The following SYT17 variants were observed in gnomAD, a reference collection of about 807,000 sequenced individuals.
SYT17 encodes synaptotagmin 17.
Under a neutral mutation model 46.7 loss-of-function variants are expected in SYT17, and 22 were observed. That is an observed-to-expected ratio of 0.47 (90% CI 0.34 to 0.67). The LOEUF is 0.67. SYT17 is among the 30% of genes least tolerant of loss of function. The pLI is 0.01. For synonymous variants in SYT17, 251 were observed against 248.4 expected, an observed-to-expected ratio of 1.01 and a Z score of -0.10; for missense variants, 519 against 612.8, an observed-to-expected ratio of 0.85 and a Z score of 1.62.
chr16:19,221,615 A>G (rs1053008129), intron 5 of SYT17, among the ~76,000 whole-genome samples: 1 of 152,118 alleles, frequency 6.6e-6, no homozygotes, highest in African/African-American at 2.4e-5. Flanking sequence ...TTGACTGTTC[A>G]CCCTGTCAGT....
At chr16:19,249,657 G>A (rs949916913) in intron 7 of SYT17, among the ~76,000 whole-genome samples, 1 of 152,216 alleles carries the variant, frequency 6.6e-6, no homozygotes, top group African/African-American at 2.4e-5. Context: ...TCATGTGGAA[G>A]GTGGAAGGCA....
At chr16:19,253,716 CTCTT>C (rs1968357942) in intron 7 of SYT17, among the ~76,000 whole-genome samples, 1 of 152,170 alleles carries the variant, frequency 6.6e-6, no homozygotes, top group South Asian at 2.1e-4. Flanking sequence ...CCTCTGGACT[CTCTT>C]TCAATTCTCT....
At chr16:19,209,408 G>A (rs1005573059) in intron 5 of SYT17, among the ~76,000 whole-genome samples, 5 of 152,078 alleles carry the variant, frequency 3.3e-5, no homozygotes, top group African/African-American at 1.2e-4. Context: ...ACACAACAAG[G>A]TGCTCACCTC....
intron 7 of SYT17, among the ~76,000 whole-genome samples, chr16:19,242,676 C>T (rs1191646754): frequency 2.0e-5 from 3 of 152,050 alleles, no homozygotes; most frequent in Admixed American, 2.0e-4. Context: ...TAGGTGTGTG[C>T]CACCATGCCT....
intron 5 of SYT17, among the ~76,000 whole-genome samples, chr16:19,219,667 T>G (rs1248289687): frequency 1.3e-5 from 2 of 152,182 alleles, no homozygotes; most frequent in Non-Finnish European, 2.9e-5. Flanking sequence ...GTTCTTCCTT[T>G]CTCTCACTCT....
At position 19,173,551 on chromosome 16, in the gene SYT17, C is replaced by T. The variant is rs377540756; in HGVS notation, c.155C>T (p.Pro52Leu). 6.2e-7 allele frequency: 1 copy of T among 1,614,054 alleles called. No individual in the cohort carries two copies. Among genetic ancestry groups the T allele is most frequent in the Admixed American group, 1.7e-5 (1 of 60,000 alleles). The change falls in exon 3 of 8, where the codon CCT (proline) becomes CTT (leucine). Residue 52 changes from proline (P) to leucine (L), a missense_variant. Coordinates refer to ENST00000355377, the MANE Select transcript of SYT17 (RefSeq NM_016524.4). ...GAGGATGAAGTTGAAATTCTGGGAC[C>T]TTTCCCTGCTCAGACCCCTCCCTGG... ...SSEDEVEILG[P>L]FPAQTPPWLM... is the part of the protein sequence containing the mutation.
At chr16:19,193,822 G>T (rs1221118350) in intron 5 of SYT17, among the ~76,000 whole-genome samples, 1 of 152,180 alleles carries the variant, frequency 6.6e-6, no homozygotes, top group African/African-American at 2.4e-5. Context: ...ATGTGGCATG[G>T]GTTGCAGGAT....
At chr16:19,182,570 A>G (rs955414639) in intron 4 of SYT17, among the ~76,000 whole-genome samples, 4 of 152,184 alleles carry the variant, frequency 2.6e-5, no homozygotes, top group Non-Finnish European at 2.9e-5. Context: ...TCTAAGTCTC[A>G]TGCCCAGCTC....
chr16:19,257,148 G>A (rs1968629518), intron 7 of SYT17, among the ~76,000 whole-genome samples: 1 of 152,130 alleles, frequency 6.6e-6, no homozygotes, highest in South Asian at 2.1e-4. Flanking sequence ...TTATAATAAA[G>A]TTAACTGAAT....
At chr16:19,249,874 C>T (rs1476092595) in intron 7 of SYT17, 7 of 1,493,164 alleles carry the variant, frequency 4.7e-6, no homozygotes, top group Non-Finnish European at 6.2e-6. Context: ...ATACTTTCAT[C>T]CAGGTCGTCT....
intron 5 of SYT17, among the ~76,000 whole-genome samples, chr16:19,221,894 G>A (rs1966331667): frequency 6.6e-6 from 1 of 152,134 alleles, no homozygotes; most frequent in African/African-American, 2.4e-5. Context: ...ATAATATAAT[G>A]ACTGGGAGTT....
rs146308969 is a variant in SYT17 at position 19,184,027 on chromosome 16, C to T, written c.831C>T (p.Thr277=). 722 of 1,613,960 alleles carry T rather than the reference C, an allele frequency of 4.5e-4. 6 individuals are homozygous for T. In the African/African-American group the frequency reaches 8.0e-3, roughly 18 times the overall value. The part of the protein sequence containing the change: ...LEAQRRTLLL[T]VVDFDKFSRH... ...CCCAGAGGAGGACCCTGCTCCTGAC[C>T]GTGGTGGATTTTGATAAGTTCTCCC... is the stretch of plus-strand genomic sequence containing the variant. Residue 277 remains threonine (T), a synonymous_variant, in exon 5 of 8, where the codon ACC becomes ACT. Coordinates refer to ENST00000355377, the MANE Select transcript of SYT17 (RefSeq NM_016524.4).
chr16:19,237,699 C>G (rs1966867876), intron 7 of SYT17, among the ~76,000 whole-genome samples: 1 of 152,230 alleles, frequency 6.6e-6, no homozygotes. Context: ...AGCTGTCACA[C>G]TGCTGCTTCA....
chr16:19,223,315 A>G, intron 6 of SYT17, 150 bp downstream of exon 6: 1 of 1,020,142 alleles, frequency 9.8e-7, no homozygotes, highest in Non-Finnish European at 1.4e-6. Flanking sequence ...ACCCTATTGG[A>G]ATTGGGGAGT....
intron 7 of SYT17, among the ~76,000 whole-genome samples, chr16:19,230,194 G>C (rs1363878727): frequency 6.6e-6 from 1 of 152,098 alleles, no homozygotes; most frequent in Admixed American, 6.5e-5. Context: ...GATCACCTGA[G>C]GTGAGGAGTT....
At chr16:19,200,596 G>A (rs1041867505) in intron 5 of SYT17, among the ~76,000 whole-genome samples, 2 of 152,188 alleles carry the variant, frequency 1.3e-5, no homozygotes, top group Non-Finnish European at 2.9e-5. Context: ...TCCATGGACT[G>A]AGGTCACTCC....
chr16:19,204,401 G>T (rs768251351), intron 5 of SYT17, among the ~76,000 whole-genome samples: 1 of 152,050 alleles, frequency 6.6e-6, no homozygotes, highest in Non-Finnish European at 1.5e-5. Context: ...GGATTTTTTG[G>T]AGTTGGAAAC....
At chr16:19,225,005 A>G (rs2142878867) in intron 7 of SYT17, among the ~76,000 whole-genome samples, 167 bp downstream of exon 7, 1 of 152,334 alleles carries the variant, frequency 6.6e-6, no homozygotes, top group East Asian at 1.9e-4. Flanking sequence ...CAGGACTCAT[A>G]GAGCCCTATA....
intron 5 of SYT17, among the ~76,000 whole-genome samples, chr16:19,207,489 G>A (rs553132689): frequency 6.6e-6 from 1 of 152,172 alleles, no homozygotes; most frequent in Admixed American, 6.6e-5. Flanking sequence ...GCAAGGGGGG[G>A]AAAGAGATAC....
Sources: allele counts gnomAD v4.1 joint callset (sites outside exome capture counted in the v4.1 genomes callset), GRCh38; gene constraint gnomAD v4.1.1; transcripts MANE v1.5; gene names NCBI Gene and HGNC (gene_info 2026-07-23, HGNC 2026-07-21).